The following GABRB3 variants were observed in gnomAD, a reference collection of about 807,000 sequenced individuals.
The protein encoded by GABRB3 is gamma-aminobutyric acid receptor subunit beta-3.
GABRB3 carries 14 observed loss-of-function variants against 52.1 expected under a neutral mutation model. The ratio of observed to expected loss-of-function variants is 0.27; its 90% CI spans 0.18 to 0.42. The LOEUF is 0.42. Among genes scored for constraint, GABRB3 ranks in the 10% least tolerant of loss-of-function variants. GABRB3 has a pLI of 1.00. For missense variants in GABRB3, 307 were observed against 609.1 expected (o/e 0.50, Z 5.22); for synonymous variants, 260 against 232.3 (o/e 1.12, Z -1.08).
At chr15:26,617,632 C>T (rs887946810) in intron 4 of GABRB3, among the ~76,000 whole-genome samples, 1 of 151,620 alleles carries the variant, frequency 6.6e-6, no homozygotes, top group Non-Finnish European at 1.5e-5. Flanking sequence ...TCTCACCACT[C>T]CTATTCAACA....
At chr15:26,610,577 T>A (rs1595480649) in intron 4 of GABRB3, among the ~76,000 whole-genome samples, 1 of 152,126 alleles carries the variant, frequency 6.6e-6, no homozygotes, top group African/African-American at 2.4e-5. Flanking sequence ...CTGGAGAAGT[T>A]TGGGCTCTCT....
intron 4 of GABRB3, among the ~76,000 whole-genome samples, chr15:26,608,779 G>C (rs1891938461): frequency 6.6e-6 from 1 of 152,030 alleles, no homozygotes; most frequent in African/African-American, 2.4e-5. Flanking sequence ...AGAATGACTA[G>C]TATCAAAAAG....
At chr15:26,733,320 G>A (rs1326352827) in intron 3 of GABRB3, among the ~76,000 whole-genome samples, 1 of 152,028 alleles carries the variant, frequency 6.6e-6, no homozygotes, top group Non-Finnish European at 1.5e-5. Flanking sequence ...CAAGTAGCAG[G>A]ATACAAAGTC....
At chr15:26,552,400 A>T (rs970090207) in intron 8 of GABRB3, among the ~76,000 whole-genome samples, 4 of 152,220 alleles carry the variant, frequency 2.6e-5, no homozygotes, top group African/African-American at 9.6e-5. Context: ...TGTCTTTGAG[A>T]CAATGGAAGC....
At chr15:26,588,718 T>A (rs944853008) in intron 4 of GABRB3, among the ~76,000 whole-genome samples, 5 of 152,316 alleles carry the variant, frequency 3.3e-5, no homozygotes, top group Admixed American at 1.3e-4. Flanking sequence ...ACATATATAT[T>A]CATAACATTC....
At chr15:26,637,737 T>C (rs940473458) in intron 3 of GABRB3, among the ~76,000 whole-genome samples, 13 of 152,242 alleles carry the variant, frequency 8.5e-5, no homozygotes, top group African/African-American at 2.7e-4. Flanking sequence ...GGGCAGACAT[T>C]GTCTTGGCCA....
intron 4 of GABRB3, among the ~76,000 whole-genome samples, chr15:26,588,914 T>G (rs758181352): frequency 2.0e-4 from 30 of 152,218 alleles, no homozygotes; most frequent in Non-Finnish European, 3.4e-4. Flanking sequence ...GATTAAGAAT[T>G]AAAAGTATTA....
intron 4 of GABRB3, chr15:26,615,675 T>C: frequency 2.3e-6 from 2 of 863,526 alleles, no homozygotes; most frequent in Non-Finnish European, 2.9e-6. Flanking sequence ...CCAAAGGTCT[T>C]CATCTAGCCT....
intron 8 of GABRB3, among the ~76,000 whole-genome samples, chr15:26,554,703 G>T (rs921435139): frequency 6.6e-6 from 1 of 152,204 alleles, no homozygotes; most frequent in Non-Finnish European, 1.5e-5. Flanking sequence ...TATTTTGGAA[G>T]ATGCAGAGAG....
chr15:26,678,726 T>C (rs893394875), intron 3 of GABRB3, among the ~76,000 whole-genome samples: 2 of 151,992 alleles, frequency 1.3e-5, no homozygotes, highest in Middle Eastern at 3.4e-3. Flanking sequence ...GGAAGGTGAG[T>C]TCTGAAGGAC....
At chr15:26,552,843 G>A (rs143501943) in intron 8 of GABRB3, among the ~76,000 whole-genome samples, 12 of 152,292 alleles carry the variant, frequency 7.9e-5, no homozygotes, top group African/African-American at 2.6e-4. Context: ...GAGAGGGCCT[G>A]GGAGGGGGGT....
At chr15:26,716,116 C>A (rs2140135893) in intron 3 of GABRB3, among the ~76,000 whole-genome samples, 1 of 152,308 alleles carries the variant, frequency 6.6e-6, no homozygotes, top group Non-Finnish European at 1.5e-5. Context: ...TCAAGGGAAA[C>A]AAACAGAAAA....
intron 3 of GABRB3, among the ~76,000 whole-genome samples, chr15:26,687,292 T>C (rs143464779): frequency 7.9e-5 from 12 of 152,350 alleles, no homozygotes; most frequent in African/African-American, 2.9e-4. Flanking sequence ...TATATATGTG[T>C]ATGGGAGATT....
chr15:26,689,911 A>G (rs1888531105), intron 3 of GABRB3, among the ~76,000 whole-genome samples: 3 of 152,120 alleles, frequency 2.0e-5, no homozygotes, highest in Admixed American at 2.0e-4. Flanking sequence ...CATGGCTAGG[A>G]AAGTTTTCAA....
At position 26,622,626 on chromosome 15, in the gene GABRB3, G is replaced by A. The variant is rs377645599; in HGVS notation, c.241-1092C>T. Among the ~76,000 whole-genome samples, 9 of 152,324 alleles carry A rather than the reference G, an allele frequency of 5.9e-5. No homozygotes were observed. In the East Asian group the frequency reaches 9.6e-4, roughly 16 times the overall value. ...GACAGCGAGAGATGGAGAGCAAATC[G>A]GTTGAAGAATCCAGTCTCGACACAG... On this transcript the variant is annotated intron_variant, in intron 3 of 8. Coordinates refer to ENST00000311550, the MANE Select transcript of GABRB3 (RefSeq NM_000814.6).
chr15:26,625,443 T>C, intron 3 of GABRB3: 1 of 982,060 alleles, frequency 1.0e-6, no homozygotes, highest in Non-Finnish European at 1.2e-6. Context: ...TTTGCAATGA[T>C]GTGGCATGAA....
At chr15:26,764,647 C>G (rs1183411453) in intron 3 of GABRB3, among the ~76,000 whole-genome samples, 1 of 152,126 alleles carries the variant, frequency 6.6e-6, no homozygotes, top group East Asian at 1.9e-4. Context: ...CTGAGCAAAT[C>G]GCCAAGAGAC....
chr15:26,654,619 G>A (rs567014504), intron 3 of GABRB3, among the ~76,000 whole-genome samples: 41 of 152,162 alleles, frequency 2.7e-4, no homozygotes, highest in African/African-American at 9.6e-4. Context: ...AAATTAGCCA[G>A]CAGAGGTGGC....
At chr15:26,697,723 C>T (rs1431376274) in intron 3 of GABRB3, among the ~76,000 whole-genome samples, 2 of 152,056 alleles carry the variant, frequency 1.3e-5, no homozygotes, top group African/African-American at 2.4e-5. Flanking sequence ...CTCTTTATAT[C>T]CCCCTCCTCC....
Sources: allele counts gnomAD v4.1 joint callset (sites outside exome capture counted in the v4.1 genomes callset), GRCh38; gene constraint gnomAD v4.1.1; transcripts MANE v1.5; gene names NCBI Gene and HGNC (gene_info 2026-07-23, HGNC 2026-07-21).